TTC6: variants seen among roughly 807,000 people sequenced by gnomAD.
TTC6 encodes tetratricopeptide repeat domain 6.
In TTC6, 172 loss-of-function variants were observed where a neutral mutation model predicts 210.4. The observed-to-expected ratio is 0.82, with a 90% CI of 0.72 to 0.93. TTC6 has a LOEUF of 0.93. Ranked by LOEUF, TTC6 falls within the 40% of genes least tolerant of loss-of-function variation. TTC6 has a pLI of 0.00. For missense variants in TTC6, 2,414 were observed against 2,318.1 expected (o/e 1.04, Z -0.85); for synonymous variants, 804 against 819.6 (o/e 0.98, Z 0.32).
At chr14:37,774,031 G>T (rs1177217959) in intron 14 of TTC6, among the ~76,000 whole-genome samples, 1 of 152,044 alleles carries the variant, frequency 6.6e-6, no homozygotes, top group Non-Finnish European at 1.5e-5. Context: ...ATTGTGAATG[G>T]GATTGCATTC....
intron 14 of TTC6, among the ~76,000 whole-genome samples, chr14:37,777,109 G>A (rs1481942680): frequency 1.3e-5 from 2 of 152,048 alleles, no homozygotes; most frequent in South Asian, 2.1e-4. Flanking sequence ...TTTTGCAGGG[G>A]TTCTCTGCAT....
Position 37,701,853 on chromosome 14 carries a change from A to G in TTC6, c.1571+327A>G, listed in dbSNP as rs563944305. ...AGTAATAAAATTTAAGCAATTAGCT[A>G]CACATAGACAATTTAAAAAATCACA... On this transcript the variant is annotated intron_variant, in intron 5 of 30. Transcript: ENST00000553443. 3.1e-3 allele frequency among the ~76,000 whole-genome samples: 474 copies of G among 152,332 alleles called. 2 individuals are homozygous for G. The highest frequency in any genetic ancestry group is 0.011 in the African/African-American group (459 of 41,592).
intron 29 of TTC6, among the ~76,000 whole-genome samples, chr14:37,829,456 CTTAGT>C (rs1283233923): frequency 1.3e-5 from 2 of 151,706 alleles, no homozygotes; most frequent in Non-Finnish European, 2.9e-5. Context: ...CATTAATACT[CTTAGT>C]TTAGTTTCTC....
chr14:37,796,919 A>G, exon 20 of TTC6: 1 of 1,603,178 alleles, frequency 6.2e-7, no homozygotes, highest in Non-Finnish European at 8.5e-7. Flanking sequence ...CTATTAGCAA[A>G]AGTTCAAATG....
chr14:37,728,834 C>T lies in TTC6; in HGVS notation c.1818+3832C>T, dbSNP rs1278402697. On this transcript the variant is annotated intron_variant, in intron 7 of 30. Coordinates refer to ENST00000553443, the Ensembl canonical transcript of TTC6. ...CACACTAGTGGTATGTGAATGCTTA[C>T]TTGTAGTAAAAATTCAAACAATAAA... Among the ~76,000 whole-genome samples, 3 of 152,284 alleles carry T rather than the reference C, an allele frequency of 2.0e-5. No homozygotes were observed. In the East Asian group the frequency reaches 5.8e-4, roughly 29 times the overall value.
chr14:37,708,471 T>A (rs926702419), intron 5 of TTC6, among the ~76,000 whole-genome samples: 3 of 152,120 alleles, frequency 2.0e-5, no homozygotes, highest in Non-Finnish European at 1.5e-5. Flanking sequence ...GACTAATCCA[T>A]GTTTATGTAG....
At position 37,796,270 on chromosome 14, in the gene TTC6, A is replaced by C. The variant is rs763068124; in HGVS notation, c.3792-24A>C. On this transcript the variant is annotated intron_variant, in intron 18 of 30. Transcript: ENST00000553443. ...GAAAGTTAATTTTTAGCTGCTTAGAATCAAAATCGATTATTTCTTCCAGAG... is the reference window on the plus strand; with the variant it reads ...GAAAGTTAATTTTTAGCTGCTTAGACTCAAAATCGATTATTTCTTCCAGAG... 36 of 1,074,346 alleles carry C rather than the reference A, an allele frequency of 3.4e-5. No individual in the cohort carries two copies. In the Admixed American group the frequency reaches 5.0e-4, roughly 15 times the overall value. The allele number at this position is 1,074,346 out of a possible 1,614,324, so 66.6% of individuals were successfully genotyped here. A position where few individuals can be genotyped will look rare whatever the true frequency, so the allele number is the denominator to read the frequency against.
exon 11 of TTC6, chr14:37,749,159 G>A (rs1229320839): frequency 6.5e-7 from 1 of 1,535,158 alleles, no homozygotes; most frequent in East Asian, 2.4e-5. Flanking sequence ...AGAGAAAGAT[G>A]ATAAAATATC....
intron 1 of TTC6, among the ~76,000 whole-genome samples, chr14:37,603,882 G>A (rs1446570824): frequency 6.6e-6 from 1 of 152,178 alleles, no homozygotes; most frequent in Non-Finnish European, 1.5e-5. Context: ...TCGAGATACT[G>A]CAGGGGACTA....
At chr14:37,736,810 A>G (rs1399110313) in intron 8 of TTC6, among the ~76,000 whole-genome samples, 1 of 152,168 alleles carries the variant, frequency 6.6e-6, no homozygotes, top group African/African-American at 2.4e-5. Context: ...GCTGGAGTAC[A>G]GTGGTAAAAT....
At chr14:37,741,841 A>T (rs2095920765) in intron 10 of TTC6, among the ~76,000 whole-genome samples, 1 of 152,078 alleles carries the variant, frequency 6.6e-6, no homozygotes, top group South Asian at 2.1e-4. Context: ...TTCCCTCCTC[A>T]GCTAGGTCAT....
intron 1 of TTC6, among the ~76,000 whole-genome samples, chr14:37,606,351 G>T (rs1311586861): frequency 6.6e-6 from 1 of 152,096 alleles, no homozygotes; most frequent in Non-Finnish European, 1.5e-5. Context: ...CTTACAAATG[G>T]GTTTGACCAA....
chr14:37,605,563 G>C (rs987865941), intron 1 of TTC6, among the ~76,000 whole-genome samples: 1 of 152,180 alleles, frequency 6.6e-6, no homozygotes, highest in Non-Finnish European at 1.5e-5. Flanking sequence ...TTACTTGGGA[G>C]AGCTGTTAGT....
chr14:37,634,159 T>A (rs74045685), intron 1 of TTC6, among the ~76,000 whole-genome samples: 2,474 of 152,252 alleles, frequency 0.016, 65 homozygotes, highest in African/African-American at 0.057. Flanking sequence ...GTTGGAATTA[T>A]CTAACAAAGA....
intron 14 of TTC6, among the ~76,000 whole-genome samples, chr14:37,760,226 G>C (rs1375240527): frequency 6.8e-6 from 1 of 146,972 alleles, no homozygotes; most frequent in Admixed American, 6.9e-5. Context: ...GTTGCTTTCT[G>C]TTTGTTAGCT....
At chr14:37,804,169 G>A (rs1354785798) in intron 20 of TTC6, among the ~76,000 whole-genome samples, 2 of 152,136 alleles carry the variant, frequency 1.3e-5, no homozygotes, top group Non-Finnish European at 2.9e-5. Flanking sequence ...ATAAATAAAT[G>A]GTTGAGTTTT....
chr14:37,735,550 A>G (rs1431236160), intron 7 of TTC6, among the ~76,000 whole-genome samples: 1 of 152,200 alleles, frequency 6.6e-6, no homozygotes, highest in Non-Finnish European at 1.5e-5. Context: ...ATGAATATTC[A>G]TGTGTTGACA....
chr14:37,825,780 T>C (rs537391750), intron 27 of TTC6, among the ~76,000 whole-genome samples: 1 of 152,230 alleles, frequency 6.6e-6, no homozygotes, highest in East Asian at 1.9e-4. Context: ...TTTATGTTAT[T>C]ATGTATATTA....
intron 20 of TTC6, among the ~76,000 whole-genome samples, chr14:37,801,788 A>T (rs2096107250): frequency 6.6e-6 from 1 of 152,204 alleles, no homozygotes; most frequent in Non-Finnish European, 1.5e-5. Flanking sequence ...GTTGCAGAGA[A>T]ATAGGAACGC....
Sources: allele counts gnomAD v4.1 joint callset (sites outside exome capture counted in the v4.1 genomes callset), GRCh38; gene constraint gnomAD v4.1.1; transcripts MANE v1.5; gene names NCBI Gene and HGNC (gene_info 2026-07-23, HGNC 2026-07-21).